The following TEK variants were observed in gnomAD, a reference collection of about 807,000 sequenced individuals.
TEK encodes the protein angiopoietin-1 receptor.
Under a neutral mutation model 131.8 loss-of-function variants are expected in TEK, and 43 were observed. The ratio of observed to expected loss-of-function variants is 0.33; its 90% CI spans 0.26 to 0.42. The LOEUF (loss-of-function observed/expected upper bound fraction) is 0.42, where lower values mean the gene tolerates loss of function less well. TEK is among the 10% of genes least tolerant of loss of function. TEK has a pLI of 1.00. For synonymous variants in TEK, 580 were observed against 491.6 expected (o/e 1.18, Z -2.38); for missense variants, 1,162 against 1,384.4 (o/e 0.84, Z 2.55).
intron 12 of TEK, among the ~76,000 whole-genome samples, chr9:27,201,070 C>T (rs951120736): frequency 1.3e-5 from 2 of 152,178 alleles, no homozygotes; most frequent in African/African-American, 4.8e-5. Flanking sequence ...TAGTGATATC[C>T]CGTTTCTAAA....
intron 6 of TEK, 88 bp downstream of exon 6, chr9:27,173,450 T>C (rs1457979868): frequency 3.2e-6 from 5 of 1,542,912 alleles, no homozygotes; most frequent in Admixed American, 1.7e-5. Flanking sequence ...ACATCGGATA[T>C]ACCTGGACTG....
At chr9:27,222,105 A>G (rs924084825) in intron 21 of TEK, among the ~76,000 whole-genome samples, 3 of 152,238 alleles carry the variant, frequency 2.0e-5, no homozygotes, top group African/African-American at 7.2e-5. Context: ...ACAAGTATCA[A>G]TAGCTGAATG....
At chr9:27,134,911 T>C (rs1297998175) in intron 1 of TEK, among the ~76,000 whole-genome samples, 1 of 152,204 alleles carries the variant, frequency 6.6e-6, no homozygotes, top group Non-Finnish European at 1.5e-5. Context: ...TTTGTATTGC[T>C]TCTCTGGGCT....
chr9:27,109,930 T>A (rs1036338714), intron 1 of TEK, among the ~76,000 whole-genome samples: 5 of 152,090 alleles, frequency 3.3e-5, no homozygotes, highest in Non-Finnish European at 4.4e-5. Context: ...CTTACTATCA[T>A]GCATTATTTT....
At chr9:27,132,388 G>T (rs1358996647) in intron 1 of TEK, among the ~76,000 whole-genome samples, 1 of 152,000 alleles carries the variant, frequency 6.6e-6, no homozygotes, top group African/African-American at 2.4e-5. Context: ...CAATTAACAG[G>T]ATAAAAATAA....
chr9:27,197,742 A>C, intron 12 of TEK, 143 bp downstream of exon 12: 2 of 1,012,926 alleles, frequency 2.0e-6, no homozygotes, highest in Non-Finnish European at 3.0e-6. Context: ...CCCCCACCTA[A>C]TCATTTTAAT....
intron 21 of TEK, among the ~76,000 whole-genome samples, chr9:27,223,058 C>G (rs1370134305): frequency 6.6e-6 from 1 of 152,152 alleles, no homozygotes; most frequent in East Asian, 1.9e-4. Flanking sequence ...GATCAATGCA[C>G]CAAGAACAGC....
chr9:27,152,544 TTTAA>T (rs1356599778), intron 1 of TEK, among the ~76,000 whole-genome samples: 5 of 152,048 alleles, frequency 3.3e-5, no homozygotes, highest in Non-Finnish European at 7.4e-5. Context: ...GTTTTATGTT[TTTAA>T]TTAAGCAAAA....
At chr9:27,144,668 A>T (rs1481422653) in intron 1 of TEK, among the ~76,000 whole-genome samples, 1 of 152,190 alleles carries the variant, frequency 6.6e-6, no homozygotes, top group Non-Finnish European at 1.5e-5. Context: ...GTGGCACACA[A>T]TCACAGAAAT....
chr9:27,179,754 C>T (rs1824292620), intron 6 of TEK, among the ~76,000 whole-genome samples: 1 of 151,840 alleles, frequency 6.6e-6, no homozygotes, highest in Non-Finnish European at 1.5e-5. Flanking sequence ...CTGACTCTTT[C>T]TGGGTTTTCC....
At chr9:27,224,715 C>T (rs963127322) in intron 21 of TEK, among the ~76,000 whole-genome samples, 1 of 152,202 alleles carries the variant, frequency 6.6e-6, no homozygotes, top group Non-Finnish European at 1.5e-5. Flanking sequence ...GATGCCCTCT[C>T]TCGCCCCTCC....
At chr9:27,178,590 G>A (rs1234422681) in intron 6 of TEK, among the ~76,000 whole-genome samples, 2 of 152,098 alleles carry the variant, frequency 1.3e-5, no homozygotes, top group Non-Finnish European at 2.9e-5. Context: ...TTAGCTGGGT[G>A]AATAAAATAC....
chr9:27,182,232 A>C (rs1276824430), intron 7 of TEK, among the ~76,000 whole-genome samples: 16 of 152,190 alleles, frequency 1.1e-4, no homozygotes, highest in Non-Finnish European at 2.2e-4. Flanking sequence ...CCAGGGTGTC[A>C]CTAGGGCTTT....
chr9:27,148,469 G>C (rs1352444042), intron 1 of TEK, among the ~76,000 whole-genome samples: 8 of 152,312 alleles, frequency 5.3e-5, no homozygotes, highest in African/African-American at 1.9e-4. Flanking sequence ...AAGCTGGATT[G>C]GTCTCTCATC....
At chr9:27,138,174 C>T (rs1050927019) in intron 1 of TEK, among the ~76,000 whole-genome samples, 29 of 152,224 alleles carry the variant, frequency 1.9e-4, no homozygotes, top group Non-Finnish European at 8.8e-5. Context: ...GAGTGAGCAG[C>T]AGCAAGATTT....
chr9:27,219,431 G>A (rs984176463), intron 20 of TEK, among the ~76,000 whole-genome samples: 5 of 152,128 alleles, frequency 3.3e-5, no homozygotes, highest in African/African-American at 1.2e-4. Flanking sequence ...AGTGGGGGTT[G>A]AACAATGGGA....
Position 27,211,015 on chromosome 9 carries a change from G to A in TEK, c.2687-1692G>A, listed in dbSNP as rs988039853. Among the ~76,000 whole-genome samples, 5 of 151,890 alleles carry A rather than the reference G, an allele frequency of 3.3e-5. No homozygotes were observed. The East Asian group carries it at 5.8e-4, about 18-fold the overall frequency. ...CGCATGCCTGTAGTCCCAGCTACTCGGGATGCTGAGGCAGGAGAATCGCTT... is the reference window on the plus strand; with the variant it reads ...CGCATGCCTGTAGTCCCAGCTACTCAGGATGCTGAGGCAGGAGAATCGCTT... On this transcript the variant is annotated intron_variant, in intron 16 of 22. Transcript: ENST00000380036.
chr9:27,219,587 A>ACCATGGCACATGTAT (rs1825968968), intron 20 of TEK, among the ~76,000 whole-genome samples: 1 of 152,206 alleles, frequency 6.6e-6, no homozygotes, highest in Non-Finnish European at 1.5e-5. Context: ...CAAACCACCC[A>ACCATGGCACATGTAT]CCATGGCACA....
At chr9:27,173,584 G>T (rs938098394) in intron 6 of TEK, among the ~76,000 whole-genome samples, 4 of 152,126 alleles carry the variant, frequency 2.6e-5, no homozygotes, top group Admixed American at 1.3e-4. Flanking sequence ...ATCATCTGGG[G>T]ATCTTTACTA....
Sources: gnomAD v4.1 joint callset for allele counts (sites outside exome capture counted in the v4.1 genomes callset) on GRCh38, gnomAD v4.1.1 for gene constraint, MANE v1.5 for transcripts, NCBI Gene and HGNC (gene_info 2026-07-23, HGNC 2026-07-21) for gene names.